Variants in FAM13B observed in about 807,000 individuals in gnomAD.
FAM13B encodes the protein protein FAM13B.
In FAM13B, 60 loss-of-function variants were observed where a neutral mutation model predicts 117.3. The observed-to-expected ratio is 0.51, with a 90% confidence interval of 0.42 to 0.63. The LOEUF is 0.63. FAM13B is among the 30% of genes least tolerant of loss of function. The pLI is 0.00. For missense variants in FAM13B, 972 were observed against 1,091.9 expected, an observed-to-expected ratio of 0.89 and a Z score of 1.55; for synonymous variants, 332 against 356.1, an observed-to-expected ratio of 0.93 and a Z score of 0.76.
rs753706377 is a variant in FAM13B, at chr5:137,949,083, C to T, written c.2032G>A (p.Glu678Lys). The T allele has an allele frequency of 6.8e-6, 11 of 1,613,964 alleles. No homozygotes were observed. The highest frequency in any genetic ancestry group is 9.3e-6 in the Non-Finnish European group (11 of 1,179,990). ...ACCTTGGGTTCATCTTCATTCTCTT[C>T]ATCTTCATGGTCTAGAGAAGAGCCA... ...SFGSSLDHED[E>K]ENEDEPKVIQ... Residue 678 changes from glutamate to lysine, a missense_variant, in exon 18 of 24, where the codon GAA (glutamate) becomes AAA (lysine). Transcript: ENST00000689681.
At position 137,962,420 on chromosome 5, in the gene FAM13B, T is replaced by C; in HGVS notation, c.1229A>G (p.Asp410Gly). ...EPCSDRGDSE[D>G]GCLEREEYLL... ...AAATGCTTACCTCTCAAGACAGCCA[T>C]CTTCACTATCACCACGGTCACTGCA... Residue 410 changes from aspartate to glycine, a missense_variant, in exon 11 of 24, where the codon GAT (aspartate) becomes GGT (glycine). By Grantham distance (94) the Asp-to-Gly change is moderately conservative. Transcript: ENST00000689681. The C allele has an allele frequency of 6.2e-7, 1 of 1,613,800 alleles. No individual in the cohort carries two copies. Among genetic ancestry groups the C allele is most frequent in the Non-Finnish European group, 8.5e-7 (1 of 1,179,812 alleles).
intron 10 of FAM13B, among the ~76,000 whole-genome samples, chr5:137,983,176 T>TAAAAAAAAAAAAAAAAAAAAAA (rs56880991): frequency 1.3e-5 from 1 of 75,096 alleles, no homozygotes; most frequent in Non-Finnish European, 2.5e-5. Flanking sequence ...CCAGTGTAGG[T>TAAAAAAAAAAAAAAAAAAAAAA]AAAAAAAAAA....
At chr5:138,034,995 C>CTTTTTTTTTTTTTTTTT, upstream of FAM13B, among the ~76,000 whole-genome samples, 260 of 34,376 alleles carry the variant, frequency 7.6e-3, 93 homozygotes, top group East Asian at 0.036. Context: ...ATTCCCTTGC[C>CTTTTTTTTTTTTTTTTT]TTTTTTTTTT....
intron 18 of FAM13B, among the ~76,000 whole-genome samples, chr5:137,947,777 G>A (rs1312503542): frequency 6.6e-6 from 1 of 152,030 alleles, no homozygotes; most frequent in Non-Finnish European, 1.5e-5. Flanking sequence ...TAGAGATGGG[G>A]TTTCATCATG....
intron 14 of FAM13B, 137 bp from the exon 15 acceptor site, chr5:137,954,513 C>CAT (rs1235585908): frequency 8.3e-6 from 4 of 481,904 alleles, no homozygotes; most frequent in East Asian, 6.3e-5. Context: ...CATACACACA[C>CAT]ACACACACAC....
chr5:138,038,161 C>T (rs1463351996), intron 1 of FAM13B, among the ~76,000 whole-genome samples: 1 of 152,058 alleles, frequency 6.6e-6, no homozygotes, highest in Non-Finnish European at 1.5e-5. Flanking sequence ...ATTGCCAAAT[C>T]TTTGTCTATC....
chr5:138,024,865 GTTTT>G (rs1407176431), intron 1 of FAM13B, among the ~76,000 whole-genome samples: 5 of 141,876 alleles, frequency 3.5e-5, no homozygotes, highest in African/African-American at 5.1e-5. Context: ...TTTTGAGTTT[GTTTT>G]TTTTGTTTGT....
At chr5:137,982,290 G>C (rs1199527655) in intron 10 of FAM13B, among the ~76,000 whole-genome samples, 1 of 152,034 alleles carries the variant, frequency 6.6e-6, no homozygotes, top group East Asian at 1.9e-4. Flanking sequence ...TGGTGGCTCA[G>C]GCCTATAATC....
intron 1 of FAM13B, among the ~76,000 whole-genome samples, chr5:138,040,262 CAAAAAAAAA>C (rs3032825): frequency 4.0e-5 from 1 of 25,226 alleles, no homozygotes; most frequent in African/African-American, 1.5e-4. Flanking sequence ...GACTCTGTCT[CAAAAAAAAA>C]AAAAAAAAAA....
At chr5:137,994,605 T>C (rs919397779) in intron 7 of FAM13B, among the ~76,000 whole-genome samples, 7 of 152,238 alleles carry the variant, frequency 4.6e-5, no homozygotes, top group African/African-American at 1.4e-4. Flanking sequence ...TCAAGTTACA[T>C]AGGTACTATA....
In FAM13B at chr5:137,965,176, T is replaced by C. The variant is rs527502678; in HGVS notation, c.1180-2707A>G. The stretch of plus-strand genomic sequence containing the variant: ...AGAGCGAGCCTCTGTTTCAAAAAAA[T>C]ATAAAATATATAAATAAAATAAAAT... On this transcript the variant is annotated intron_variant, in intron 10 of 23. Transcript: ENST00000689681. Among the ~76,000 whole-genome samples, 241 of 152,066 alleles carry C rather than the reference T, an allele frequency of 1.6e-3. 2 individuals carry two copies. The highest frequency in any genetic ancestry group is 5.4e-3 in the African/African-American group (226 of 41,482).
intron 1 of FAM13B, among the ~76,000 whole-genome samples, chr5:138,028,821 C>A (rs1227453134): frequency 6.6e-6 from 1 of 152,162 alleles, no homozygotes; most frequent in Non-Finnish European, 1.5e-5. Context: ...GAGTTTGAGA[C>A]CAGCGTGGCC....
In FAM13B at chr5:137,940,527, A is replaced by G. The variant is rs1761369642; in HGVS notation, c.2691-179T>C. The G allele has an allele frequency of 9.1e-6, 5 of 548,056 alleles. No individual in the cohort carries two copies. In the South Asian group the frequency reaches 1.0e-4, roughly 11 times the overall value. The allele number at this position is 548,056 out of a possible 1,614,324, so 33.9% of individuals were successfully genotyped here. ...CCTCATCCCCAAGGAACACTTCTAA[A>G]ATTTTTGATGGACTTCTCTACTGAT... On this transcript the variant is annotated intron_variant, in intron 23 of 23. Transcript: ENST00000689681.
chr5:137,956,528 T>A lies in FAM13B; in HGVS notation c.1456A>T (p.Thr486Ser). The A allele has an allele frequency of 6.3e-7, 1 of 1,596,452 alleles. No homozygotes were observed. Among genetic ancestry groups the A allele is most frequent in the Non-Finnish European group, 8.5e-7 (1 of 1,170,660 alleles). Reference sequence around the variant, plus strand: ...GTTTTGAAATCAATGAGGGGAAAAGTGATAGGGCATGACGCTAATAAAATG... The same window carrying A: ...GTTTTGAAATCAATGAGGGGAAAAGAGATAGGGCATGACGCTAATAAAATG... ...GDKWEASCPI[T>S]FPLIDFKTMH... The change falls in exon 14 of 24, where the codon ACT (threonine) becomes TCT (serine). Residue 486 changes from threonine (T) to serine (S), a missense_variant. By Grantham distance (58) the Thr-to-Ser change is moderately conservative. Transcript: ENST00000689681.
chr5:137,940,101 C>T lies in FAM13B; in HGVS notation c.*124G>A. On this transcript the variant is annotated 3_prime_UTR_variant, in exon 24 of 24. Transcript: ENST00000689681. ...TTTGTTTTGTTTAGTGGCACCACAA[C>T]CAAGTACAAAATGAGATTCTCTGAG... 2 of 1,614,124 alleles carry T rather than the reference C, an allele frequency of 1.2e-6. No individual in the cohort carries two copies. Among genetic ancestry groups the T allele is most frequent in the South Asian group, 2.2e-5 (2 of 91,078 alleles).
At chr5:137,962,335 AT>A in intron 11 of FAM13B, 69 bp downstream of exon 11, 1 of 1,356,890 alleles carries the variant, frequency 7.4e-7, no homozygotes. Context: ...ATCTAAAAAA[AT>A]CACCTCAAAA....
At chr5:137,959,364 A>AC (rs1767491154) in intron 13 of FAM13B, among the ~76,000 whole-genome samples, 1 of 152,220 alleles carries the variant, frequency 6.6e-6, no homozygotes, top group Non-Finnish European at 1.5e-5. Flanking sequence ...CTTTTTAAAA[A>AC]AATCAGTTCT....
intron 16 of FAM13B, 22 bp downstream of exon 16, chr5:137,953,314 C>T: frequency 1.2e-6 from 2 of 1,612,544 alleles, no homozygotes; most frequent in Non-Finnish European, 1.7e-6. Flanking sequence ...TAAGCTCACT[C>T]TGGGGAATGC....
chr5:137,987,656 ACTGGATAT>A lies in FAM13B; in HGVS notation c.891-48_891-41del, dbSNP rs145656313. Reference sequence around the variant, plus strand: ...GTTTTAGTAAGAAGCAGTCACTCTAACTGGATATCTGGTGACACAGACATAAATGCTAA... The same window carrying A: ...GTTTTAGTAAGAAGCAGTCACTCTAACTGGTGACACAGACATAAATGCTAA... On this transcript the variant is annotated intron_variant, in intron 8 of 23. Coordinates refer to ENST00000689681, the MANE Select transcript of FAM13B (RefSeq NM_001385994.1). The A allele has an allele frequency of 4.2e-4, 657 of 1,571,760 alleles. 2 individuals are homozygous for A. In the African/African-American group the frequency reaches 8.1e-3, roughly 19 times the overall value.
Sources: allele counts gnomAD v4.1 joint callset (sites outside exome capture counted in the v4.1 genomes callset), GRCh38; gene constraint gnomAD v4.1.1; transcripts MANE v1.5; gene names NCBI Gene and HGNC (gene_info 2026-07-23, HGNC 2026-07-21).